EYS: variants seen among roughly 807,000 people sequenced by gnomAD.
EYS encodes EGF-like photoreceptor maintenance factor.
A neutral mutation model predicts 282.1 loss-of-function variants in EYS; 250 were observed. The observed-to-expected ratio is 0.89, with a 90% confidence interval of 0.80 to 0.98. The LOEUF (loss-of-function observed/expected upper bound fraction) is 0.98, where lower values mean the gene tolerates loss of function less well. Ranked by LOEUF, EYS falls within the 50% of genes least tolerant of loss-of-function variation. The pLI, the probability that EYS is intolerant of heterozygous loss-of-function variation, is 0.00. For synonymous variants in EYS, 1,355 were observed against 1,282.9 expected (o/e 1.06, Z -1.20); for missense variants, 4,016 against 3,709.0 (o/e 1.08, Z -2.15).
At chr6:64,915,787 G>A (rs979971999) in intron 15 of EYS, among the ~76,000 whole-genome samples, 1 of 152,134 alleles carries the variant, frequency 6.6e-6, no homozygotes, top group Non-Finnish European at 1.5e-5. Context: ...ATGTAGAAGA[G>A]ATATTCTTTT....
chr6:65,675,586 T>C (rs577451981), intron 1 of EYS, among the ~76,000 whole-genome samples: 5 of 151,962 alleles, frequency 3.3e-5, no homozygotes, highest in African/African-American at 1.2e-4. Context: ...TATATGCACA[T>C]AGCACCCAAA....
At chr6:64,053,052 T>C (rs1226245935) in intron 33 of EYS, among the ~76,000 whole-genome samples, 1 of 152,204 alleles carries the variant, frequency 6.6e-6, no homozygotes, top group African/African-American at 2.4e-5. Flanking sequence ...TATAATAATT[T>C]ATAAACAACT....
intron 12 of EYS, among the ~76,000 whole-genome samples, chr6:65,118,336 C>T (rs1308381731): frequency 6.8e-6 from 1 of 146,542 alleles, no homozygotes; most frequent in African/African-American, 2.7e-5. Context: ...GAAAATGCAT[C>T]CGAATTATGA....
At chr6:65,180,510 G>A (rs968522773) in intron 12 of EYS, among the ~76,000 whole-genome samples, 14 of 152,014 alleles carry the variant, frequency 9.2e-5, no homozygotes, top group Non-Finnish European at 1.6e-4. Context: ...GGACGTGAAG[G>A]ACCTCTTCAA....
At chr6:65,055,476 A>G (rs746819677) in intron 13 of EYS, among the ~76,000 whole-genome samples, 1 of 152,102 alleles carries the variant, frequency 6.6e-6, no homozygotes, top group Non-Finnish European at 1.5e-5. Context: ...AAATGAACCA[A>G]TATTGATGTT....
chr6:65,478,575 T>G (rs184019657), intron 5 of EYS, among the ~76,000 whole-genome samples: 69 of 152,298 alleles, frequency 4.5e-4, no homozygotes, highest in African/African-American at 1.7e-3. Flanking sequence ...CATTTACTGG[T>G]TTCCTCATTT....
chr6:64,184,578 A>G (rs1054591571), intron 31 of EYS, among the ~76,000 whole-genome samples: 1 of 152,022 alleles, frequency 6.6e-6, no homozygotes, highest in East Asian at 1.9e-4. Flanking sequence ...ATGCATTTGA[A>G]CTACTGGCAT....
intron 28 of EYS, among the ~76,000 whole-genome samples, chr6:64,429,210 A>T (rs1774505307): frequency 6.6e-6 from 1 of 152,228 alleles, no homozygotes; most frequent in African/African-American, 2.4e-5. Context: ...CAGTAATTTT[A>T]TAATAGGTAA....
intron 2 of EYS, among the ~76,000 whole-genome samples, chr6:65,631,727 T>G (rs1408494902): frequency 6.6e-6 from 1 of 152,180 alleles, no homozygotes; most frequent in East Asian, 1.9e-4. Flanking sequence ...TAAGATTGTG[T>G]CAGCAGTTCT....
chr6:65,519,704 A>ATTTT (rs1562237544), intron 2 of EYS, among the ~76,000 whole-genome samples: 25 of 36,232 alleles, frequency 6.9e-4, no homozygotes, highest in Non-Finnish European at 9.4e-4. Context: ...ATATATATAT[A>ATTTT]TATATTTTTT....
At chr6:64,564,909 G>A (rs1003127838) in intron 26 of EYS, among the ~76,000 whole-genome samples, 1 of 152,114 alleles carries the variant, frequency 6.6e-6, no homozygotes, top group Non-Finnish European at 1.5e-5. Flanking sequence ...CTTTGGTTTT[G>A]ATGTATACTA....
At chr6:65,555,842 A>G (rs1768778366) in intron 2 of EYS, among the ~76,000 whole-genome samples, 1 of 152,224 alleles carries the variant, frequency 6.6e-6, no homozygotes, top group Non-Finnish European at 1.5e-5. Flanking sequence ...CAGATTTTCA[A>G]AAACAGTAAA....
At chr6:65,639,406 A>T (rs1767203311) in intron 2 of EYS, among the ~76,000 whole-genome samples, 1 of 152,112 alleles carries the variant, frequency 6.6e-6, no homozygotes, top group African/African-American at 2.4e-5. Context: ...TCAAAAAAAA[A>T]TTATTCAATC....
intron 19 of EYS, among the ~76,000 whole-genome samples, chr6:64,833,954 C>T (rs1009948896): frequency 1.3e-5 from 2 of 151,848 alleles, no homozygotes; most frequent in Admixed American, 6.6e-5. Context: ...ATGAAAAATT[C>T]TAATTTTAAT....
chr6:64,940,772 C>T (rs1349911177), intron 15 of EYS, among the ~76,000 whole-genome samples: 1 of 151,996 alleles, frequency 6.6e-6, no homozygotes, highest in African/African-American at 2.4e-5. Context: ...ATAAAGCAAA[C>T]TGCCTACTGT....
At chr6:64,448,261 A>G (rs537137823) in intron 26 of EYS, among the ~76,000 whole-genome samples, 4 of 152,306 alleles carry the variant, frequency 2.6e-5, no homozygotes, top group East Asian at 1.9e-4. Flanking sequence ...GCTGATTGCT[A>G]GCACAGCAGT....
intron 33 of EYS, among the ~76,000 whole-genome samples, chr6:64,026,775 C>CA (rs1462453376): frequency 6.6e-6 from 1 of 152,094 alleles, no homozygotes; most frequent in Non-Finnish European, 1.5e-5. Context: ...AAGAAATCTC[C>CA]AAAGTACCAC....
At chr6:65,701,438 T>C (rs1490130) in intron 1 of EYS, among the ~76,000 whole-genome samples, 122,252 of 152,012 alleles carry the variant, frequency 0.8, 49,342 homozygotes, top group East Asian at 0.85. Context: ...TTCACGCTTG[T>C]TCATCTCTCT....
intron 30 of EYS, among the ~76,000 whole-genome samples, chr6:64,266,552 G>A (rs1767765925): frequency 6.6e-6 from 1 of 152,078 alleles, no homozygotes; most frequent in Non-Finnish European, 1.5e-5. Flanking sequence ...GCTGATTTAA[G>A]ACCTTATATA....
Sources: allele counts gnomAD v4.1 joint callset (sites outside exome capture counted in the v4.1 genomes callset), GRCh38; gene constraint gnomAD v4.1.1; transcripts MANE v1.5; gene names NCBI Gene and HGNC (gene_info 2026-07-23, HGNC 2026-07-21).